AP3D1: variants seen among roughly 807,000 people sequenced by gnomAD.
The protein encoded by AP3D1 is AP-3 complex subunit delta-1.
AP3D1 carries 51 observed loss-of-function variants against 147.6 expected under a neutral mutation model. The ratio of observed to expected loss-of-function variants is 0.35; its 90% CI spans 0.28 to 0.44. AP3D1 has a LOEUF of 0.44. AP3D1 is among the 20% of genes least tolerant of loss of function. The pLI, the probability that AP3D1 is intolerant of heterozygous loss-of-function variation, is 1.00. For missense variants in AP3D1, 1,421 were observed against 1,624.2 expected, an observed-to-expected ratio of 0.87 and a Z score of 2.15; for synonymous variants, 760 against 663.0, an observed-to-expected ratio of 1.15 and a Z score of -2.25.
chr19:2,123,280 C>A (rs1290227195), intron 11 of AP3D1, 78 bp downstream of exon 11: 7 of 1,429,950 alleles, frequency 4.9e-6, no homozygotes, highest in Middle Eastern at 1.8e-4. Flanking sequence ...TGTCCACTTC[C>A]TCCTCACACT....
chr19:2,104,674 T>G (rs1008391022), intron 31 of AP3D1, among the ~76,000 whole-genome samples: 2 of 148,324 alleles, frequency 1.3e-5, no homozygotes, highest in African/African-American at 5.0e-5. Flanking sequence ...AAGTTTTTTT[T>G]TTTTTTTTTT....
chr19:2,115,368 G>A lies in AP3D1; in HGVS notation c.2200C>T (p.Arg734Trp), dbSNP rs762220122. 2.9e-5 allele frequency: 47 copies of A among 1,606,710 alleles called. No homozygotes were observed. The highest frequency in any genetic ancestry group is 3.3e-5 in the Admixed American group (2 of 59,988). Residue 734 changes from arginine to tryptophan, a missense_variant, in exon 20 of 32, where the codon CGG becomes TGG. By Grantham distance (101) the Arg-to-Trp change is moderately radical. Around this residue, in one of 6 missense-constraint regions of AP3D1, gnomAD observed 791 missense variants for 761.4 expected, o/e 1.04. Coordinates refer to ENST00000643116, the MANE Select transcript of AP3D1 (RefSeq NM_001261826.3). ...YVKLEEERRH[R>W]QKLEKDKRRK... The stretch of plus-strand genomic sequence containing the variant: ...CTCTTGTCCTTCTCCAGCTTCTGCC[G>A]GTGCCGCCGCTCCTCCTCCAGCTTC...
chr19:2,132,376 G>A (rs1389032943), intron 5 of AP3D1, 95 bp downstream of exon 5: 29 of 1,159,196 alleles, frequency 2.5e-5, no homozygotes, highest in Non-Finnish European at 2.8e-5. Context: ...GACCCCGGCC[G>A]GTTTCCGCAT....
rs528341215 is a variant in AP3D1 at position 2,136,616 on chromosome 19, C to T, written c.354+395G>A. 8.5e-5 allele frequency among the ~76,000 whole-genome samples: 13 copies of T among 152,278 alleles called. No homozygotes were observed. In the South Asian group the frequency reaches 1.5e-3, roughly 17 times the overall value. On this transcript the variant is annotated intron_variant, in intron 4 of 31. Transcript: ENST00000643116. ...ACCTCGTGGGACTCAAAAAAAGCCGCGGGCAGGAAGCACCCCACATGGGCA... is the reference window on the plus strand; with the variant it reads ...ACCTCGTGGGACTCAAAAAAAGCCGTGGGCAGGAAGCACCCCACATGGGCA...
At chr19:2,136,548 T>C (rs907017122) in intron 4 of AP3D1, among the ~76,000 whole-genome samples, 1 of 152,192 alleles carries the variant, frequency 6.6e-6, no homozygotes, top group East Asian at 1.9e-4. Context: ...GTGGCCTCCG[T>C]GACCATTTCA....
chr19:2,128,237 CAT>C (rs1179573143), intron 8 of AP3D1, among the ~76,000 whole-genome samples: 1 of 152,132 alleles, frequency 6.6e-6, no homozygotes, highest in Non-Finnish European at 1.5e-5. Context: ...AGGCTCCTAA[CAT>C]AGGATCCCAT....
intron 8 of AP3D1, among the ~76,000 whole-genome samples, chr19:2,128,563 C>A (rs2018835004): frequency 8.8e-6 from 1 of 113,064 alleles, no homozygotes; most frequent in Admixed American, 8.8e-5. Context: ...AGCTCCGACA[C>A]TGCACCCCGT....
rs1294364763 is a variant in AP3D1 at position 2,117,370 on chromosome 19, G to A, written c.1714-3C>T. 1 of 1,595,198 alleles carries A rather than the reference G, an allele frequency of 6.3e-7. No homozygotes were observed. Among genetic ancestry groups the A allele is most frequent in the Non-Finnish European group, 8.5e-7 (1 of 1,172,250 alleles). On this transcript the variant is annotated splice_polypyrimidine_tract_variant and splice_region_variant and intron_variant, in intron 15 of 31. Coordinates refer to ENST00000643116, the MANE Select transcript of AP3D1 (RefSeq NM_001261826.3). The stretch of plus-strand genomic sequence containing the variant: ...ACCAGCTGCAGGATGCAGGACGCCT[G>A]TGGGGGACACAGGGGTCACTGCTGG...
chr19:2,161,548 A>G (rs754356424), intron 1 of AP3D1, among the ~76,000 whole-genome samples: 10 of 152,148 alleles, frequency 6.6e-5, no homozygotes, highest in Non-Finnish European at 1.2e-4. Flanking sequence ...CAAGGTCAAA[A>G]TAAGTATGTA....
At chr19:2,157,311 G>A (rs1488447710) in intron 1 of AP3D1, among the ~76,000 whole-genome samples, 4 of 150,518 alleles carry the variant, frequency 2.7e-5, no homozygotes, top group African/African-American at 7.3e-5. Context: ...GCGTAGTGGC[G>A]GGCGCCTGTA....
In AP3D1 at chr19:2,111,302, T is replaced by C; in HGVS notation, c.2968A>G (p.Asn990Asp). 6.2e-7 allele frequency: 1 copy of C among 1,614,028 alleles called. No homozygotes were observed. The highest frequency in any genetic ancestry group is 2.2e-5 in the East Asian group (1 of 44,876). Residue 990 changes from asparagine (N) to aspartate (D), a missense_variant, in exon 26 of 32, where the codon AAT becomes GAT. This residue lies in a region of AP3D1 where 791 missense variants were observed against 761.4 expected (regional missense o/e 1.04). Coordinates refer to ENST00000643116, the MANE Select transcript of AP3D1 (RefSeq NM_001261826.3). ...PESSYSLLAE[N>D]SYVKMTCDIR... ...CCACTCACCATTTTAACATAGGAATTTTCAGCGAGGAGGGAGTAGCTGGAC... is the reference window on the plus strand; with the variant it reads ...CCACTCACCATTTTAACATAGGAATCTTCAGCGAGGAGGGAGTAGCTGGAC...
At chr19:2,149,757 A>G (rs1364718210) in intron 1 of AP3D1, among the ~76,000 whole-genome samples, 3 of 152,192 alleles carry the variant, frequency 2.0e-5, no homozygotes, top group East Asian at 1.9e-4. Flanking sequence ...TCAGGGTCCC[A>G]GAACAGGCTG....
Position 2,129,353 on chromosome 19 carries a change from T to C in AP3D1, c.697A>G (p.Thr233Ala), listed in dbSNP as rs534038852. 1 of 1,614,008 alleles carries C rather than the reference T, an allele frequency of 6.2e-7. No homozygotes were observed. Among genetic ancestry groups the C allele is most frequent in the East Asian group, 2.2e-5 (1 of 44,866 alleles). ...ATCTTGATGAGGACCCAGTTGTTGGTGGAGGACGTCATCAGCTTGAAAAAG... is the reference window on the plus strand; with the variant it reads ...ATCTTGATGAGGACCCAGTTGTTGGCGGAGGACGTCATCAGCTTGAAAAAG... The part of the protein sequence containing the change: ...PLFFKLMTSS[T>A]NNWVLIKIIK... Residue 233 changes from threonine to alanine, a missense_variant, in exon 7 of 32, where the codon ACC (threonine) becomes GCC (alanine). Around this residue, in one of 6 missense-constraint regions of AP3D1, gnomAD observed 292 missense variants for 412.0 expected, o/e 0.71. Coordinates refer to ENST00000643116, the MANE Select transcript of AP3D1 (RefSeq NM_001261826.3).
chr19:2,137,886 C>A, intron 2 of AP3D1, 79 bp from the exon 3 acceptor site: 1 of 1,300,852 alleles, frequency 7.7e-7, no homozygotes, highest in South Asian at 1.2e-5. Flanking sequence ...TCAAGCGCTC[C>A]CTCCCAGCAC....
chr19:2,122,276 C>T (rs779387373), intron 11 of AP3D1, among the ~76,000 whole-genome samples: 4 of 152,212 alleles, frequency 2.6e-5, no homozygotes, highest in Non-Finnish European at 4.4e-5. Context: ...ACTGTTCACC[C>T]GACTAGCCCA....
chr19:2,110,016 A>C, intron 28 of AP3D1, 58 bp from the exon 29 acceptor site: 1 of 1,598,604 alleles, frequency 6.3e-7, no homozygotes, highest in Non-Finnish European at 8.6e-7. Context: ...CTCAGGGCTC[A>C]GGGTTCCCCA....
chr19:2,111,772 T>G lies in AP3D1; in HGVS notation c.2844A>C (p.Lys948Asn). 2 of 1,613,130 alleles carry G rather than the reference T, an allele frequency of 1.2e-6. No individual in the cohort carries two copies. The highest frequency in any genetic ancestry group is 8.5e-7 in the Non-Finnish European group (1 of 1,179,598). ...KHRKEKEERT[K>N]GKKKSKKQPP... is the part of the protein sequence containing the mutation. ...GCTGCTTCTTGGACTTCTTCTTGCC[T>G]TTGGTCCGCTCCTCCTTCTCCTTCC... Residue 948 changes from lysine to asparagine, a missense_variant, in exon 25 of 32, where the codon AAA becomes AAC. This residue lies in a region of AP3D1 where 791 missense variants were observed against 761.4 expected (regional missense o/e 1.04). Transcript: ENST00000643116.
Position 2,120,950 on chromosome 19 carries a change from T to C in AP3D1, c.1393A>G (p.Ser465Gly). ...AVSQMSALLD[S>G]AHLLASSTQR... is the part of the protein sequence containing the mutation. ...GTGCTGCTGGCCAGCAGGTGTGCAC[T>C]GTCAAGCAGCGCAGACATCTGGGAC... Residue 465 changes from serine to glycine, a missense_variant, in exon 14 of 32, where the codon AGT becomes GGT. Physicochemically the swap from Ser to Gly is moderately conservative, Grantham distance 56 (BLOSUM62 0). This residue lies in a region of AP3D1 where 310 missense variants were observed against 388.1 expected (regional missense o/e 0.80). Transcript: ENST00000643116. The C allele has an allele frequency of 1.2e-6, 2 of 1,612,180 alleles. No individual in the cohort carries two copies. Among genetic ancestry groups the C allele is most frequent in the Non-Finnish European group, 8.5e-7 (1 of 1,179,996 alleles).
At chr19:2,127,884 C>T (rs764120673) in intron 8 of AP3D1, among the ~76,000 whole-genome samples, 2 of 152,218 alleles carry the variant, frequency 1.3e-5, no homozygotes, top group South Asian at 4.1e-4. Context: ...GTCGCAGCTG[C>T]TTACAGCTTT....
Sources: allele counts gnomAD v4.1 joint callset (sites outside exome capture counted in the v4.1 genomes callset), GRCh38; gene constraint gnomAD v4.1.1; regional missense constraint gnomAD v4.1.1; transcripts MANE v1.5; gene names NCBI Gene and HGNC (gene_info 2026-07-23, HGNC 2026-07-21).